PLAAT5: variants seen among roughly 807,000 people sequenced by gnomAD.
PLAAT5 encodes the protein phospholipase A and acyltransferase 5.
Under a neutral mutation model 27.8 loss-of-function variants are expected in PLAAT5, and 27 were observed. That is an observed-to-expected ratio of 0.97 (90% CI 0.72 to 1.34). The LOEUF (loss-of-function observed/expected upper bound fraction) is 1.34. PLAAT5 is among the 40% of genes most tolerant of loss of function. The pLI is 0.00. For synonymous variants in PLAAT5, 125 were observed against 136.1 expected (o/e 0.92, Z 0.57); for missense variants, 368 against 343.8 (o/e 1.07, Z -0.56).
intron 3 of PLAAT5, among the ~76,000 whole-genome samples, chr11:63,483,784 A>AAAAATAT (rs1397719113): frequency 1.5e-5 from 1 of 65,680 alleles, no homozygotes; most frequent in African/African-American, 9.8e-5. Flanking sequence ...GCAAAAAAAA[A>AAAAATAT]ATATATATAT....
intron 3 of PLAAT5, among the ~76,000 whole-genome samples, chr11:63,480,914 G>A (rs935942724): frequency 9.2e-5 from 14 of 152,122 alleles, no homozygotes; most frequent in African/African-American, 3.4e-4. Context: ...TGTGTGATTG[G>A]ATTAATTCGA....
At chr11:63,479,147 G>A (rs2016224842) in intron 3 of PLAAT5, among the ~76,000 whole-genome samples, 1 of 152,202 alleles carries the variant, frequency 6.6e-6, no homozygotes. Context: ...TACAGAAGAG[G>A]TTGAGTGCTA....
At chr11:63,479,994 A>T (rs911603029) in intron 3 of PLAAT5, among the ~76,000 whole-genome samples, 1 of 152,174 alleles carries the variant, frequency 6.6e-6, no homozygotes, top group African/African-American at 2.4e-5. Flanking sequence ...CACAGACCCC[A>T]ATACCTTAGA....
At chr11:63,483,785 ATATATATATATATATGT>A (rs2016349046) in intron 3 of PLAAT5, among the ~76,000 whole-genome samples, 3 of 88,618 alleles carry the variant, frequency 3.4e-5, no homozygotes, top group African/African-American at 1.3e-4. Context: ...CAAAAAAAAA[ATATATATATATATATGT>A]ATATATATAT....
intron 3 of PLAAT5, among the ~76,000 whole-genome samples, chr11:63,478,860 G>A (rs1309335454): frequency 3.9e-5 from 6 of 152,192 alleles, no homozygotes; most frequent in Admixed American, 3.9e-4. Context: ...CAAGAGAGAG[G>A]AAGTGCTTTG....
intron 3 of PLAAT5, among the ~76,000 whole-genome samples, chr11:63,472,118 G>C (rs1453628873): frequency 6.6e-6 from 1 of 151,986 alleles, no homozygotes; most frequent in South Asian, 2.1e-4. Context: ...GTGATGGGTT[G>C]ATCTGTGCAC....
intron 4 of PLAAT5, among the ~76,000 whole-genome samples, chr11:63,467,161 T>G (rs569182144): frequency 6.6e-6 from 1 of 152,332 alleles, no homozygotes; most frequent in East Asian, 1.9e-4. Context: ...CATGATCTTT[T>G]CTTACAAATT....
intron 5 of PLAAT5, among the ~76,000 whole-genome samples, chr11:63,465,849 C>T (rs1178587627): frequency 6.6e-6 from 1 of 152,044 alleles, no homozygotes; most frequent in East Asian, 1.9e-4. Flanking sequence ...ACTGATTTGA[C>T]CAAGGATACC....
rs1565208425 is a variant in PLAAT5 at position 63,468,445 on chromosome 11, A to C, written c.366T>G (p.Pro122=). 2 of 1,614,002 alleles carry C rather than the reference A, an allele frequency of 1.2e-6. No homozygotes were observed. The highest frequency in any genetic ancestry group is 3.3e-5 in the Admixed American group (2 of 60,018). Reference sequence around the variant, plus strand: ...TTCGAAAAATCTCAATCAGGTCTCCAGGTCTGGGTCTTGGTTTTCCCTATA... The same window carrying C: ...TTCGAAAAATCTCAATCAGGTCTCCCGGTCTGGGTCTTGGTTTTCCCTATA... ...QAAEGKPRPR[P]GDLIEIFRIG... Residue 122 remains proline (P), a synonymous_variant, in exon 4 of 6, where the codon CCT becomes CCG. Transcript: ENST00000540857.
intron 3 of PLAAT5, among the ~76,000 whole-genome samples, chr11:63,488,407 C>T (rs1291041336): frequency 6.6e-6 from 1 of 152,070 alleles, no homozygotes; most frequent in African/African-American, 2.4e-5. Flanking sequence ...ATGTATCAAA[C>T]TATACACTTC....
chr11:63,483,118 T>C (rs2016323580), intron 3 of PLAAT5, among the ~76,000 whole-genome samples: 1 of 152,138 alleles, frequency 6.6e-6, no homozygotes, highest in Admixed American at 6.5e-5. Flanking sequence ...CAATTATTAC[T>C]ACACCTAAGA....
chr11:63,465,151 A>C (rs1590602930), intron 5 of PLAAT5, among the ~76,000 whole-genome samples: 1 of 151,824 alleles, frequency 6.6e-6, no homozygotes. Flanking sequence ...GGTGGCGCAC[A>C]CCTAGTAATC....
rs766996113 is a variant in PLAAT5, at chr11:63,491,002, G to T, written c.33C>A (p.Tyr11Ter). 1 of 1,535,186 alleles carries T rather than the reference G, an allele frequency of 6.5e-7. No homozygotes were observed. The highest frequency in any genetic ancestry group is 1.2e-5 in the South Asian group (1 of 82,048). Residue 11 changes from tyrosine to a stop codon, truncating the protein, a stop_gained, in exon 1 of 6, where the codon TAC becomes TAA. Coordinates refer to ENST00000540857, the MANE Select transcript of PLAAT5 (RefSeq NM_001146729.2). LOFTEE classifies it high-confidence loss of function. ...GGGGAATCCTAGGGAGGCGGAGCGCGTACTCCCCCTCGGCGCCCGGGCTCA... is the reference window on the plus strand; with the variant it reads ...GGGGAATCCTAGGGAGGCGGAGCGCTTACTCCCCCTCGGCGCCCGGGCTCA... The part of the protein sequence containing the change: MGLSPGAEGE[Y>*]ALRLPRIPPP...
At chr11:63,481,902 G>A (rs1299228211) in intron 3 of PLAAT5, among the ~76,000 whole-genome samples, 1 of 152,176 alleles carries the variant, frequency 6.6e-6, no homozygotes, top group Non-Finnish European at 1.5e-5. Context: ...ACCAGGGACT[G>A]TTGTGGGGTA....
chr11:63,478,853 G>T (rs1232648813), intron 3 of PLAAT5, among the ~76,000 whole-genome samples: 1 of 152,204 alleles, frequency 6.6e-6, no homozygotes, highest in African/African-American at 2.4e-5. Context: ...CTGAGGCCAA[G>T]AGAGAGGAAG....
chr11:63,464,096 C>T (rs1243104527), intron 5 of PLAAT5, among the ~76,000 whole-genome samples: 2 of 152,122 alleles, frequency 1.3e-5, no homozygotes, highest in African/African-American at 2.4e-5. Flanking sequence ...AGGTTTCTCA[C>T]ACCAGGGCCC....
intron 3 of PLAAT5, among the ~76,000 whole-genome samples, chr11:63,475,400 C>T (rs187336877): frequency 6.6e-6 from 1 of 152,080 alleles, no homozygotes; most frequent in Admixed American, 6.5e-5. Context: ...TATAGAATGA[C>T]CCTTTTTTTC....
chr11:63,490,454 G>C, intron 1 of PLAAT5, 121 bp from the exon 2 acceptor site: 2 of 1,524,288 alleles, frequency 1.3e-6, no homozygotes, highest in South Asian at 2.3e-5. Context: ...CCCTGGTTAG[G>C]CCTCAGAAAA....
Position 63,490,957 on chromosome 11 carries a change from G to A in PLAAT5, c.78C>T (p.Ala26=). The change falls in exon 1 of 6, where the codon GCC becomes GCT. Residue 26 remains alanine, a synonymous_variant. Transcript: ENST00000540857. ...PRIPPPLPKP[A]SRTASTGPKD... ...TGGGCCCGGTACTGGCGGTTCGCGA[G>A]GCGGGTTTGGGGAGGGGTGGGGGAA... 1.3e-6 allele frequency: 2 copies of A among 1,594,526 alleles called. No homozygotes were observed. Among genetic ancestry groups the A allele is most frequent in the Non-Finnish European group, 1.7e-6 (2 of 1,170,890 alleles).
Sources: gnomAD v4.1 joint callset for allele counts (sites outside exome capture counted in the v4.1 genomes callset) on GRCh38, gnomAD v4.1.1 for gene constraint, MANE v1.5 for transcripts, NCBI Gene and HGNC (gene_info 2026-07-23, HGNC 2026-07-21) for gene names.